PAPPA2: variants seen among roughly 807,000 people sequenced by gnomAD.
The protein encoded by PAPPA2 is pappalysin 2.
PAPPA2 carries 86 observed loss-of-function variants against 176.4 expected under a neutral mutation model. The observed-to-expected ratio is 0.49, with a 90% confidence interval of 0.41 to 0.58. PAPPA2 has a LOEUF of 0.58. Ranked by LOEUF, PAPPA2 falls within the 20% of genes least tolerant of loss-of-function variation. The pLI, the probability that PAPPA2 is intolerant of heterozygous loss-of-function variation, is 0.00. For missense variants in PAPPA2, 2,073 were observed against 2,256.9 expected, an observed-to-expected ratio of 0.92 and a Z score of 1.65; for synonymous variants, 809 against 852.2, an observed-to-expected ratio of 0.95 and a Z score of 0.88.
rs559742981 is a variant in PAPPA2, at chr1:176,690,952, A to G, written c.2431+522A>G. On this transcript the variant is annotated intron_variant, in intron 5 of 22. Transcript: ENST00000367662. ...AAAAATCAGATTCTCTTTTTCCAGC[A>G]CTAGTCAAGCACAAATTCTTAGCTG... 1.1e-5 allele frequency: 11 copies of G among 983,370 alleles called. No homozygotes were observed. The South Asian group carries it at 3.3e-4, about 30-fold the overall frequency. 60.9% of individuals were successfully genotyped at this position (983,370 alleles called of 1,614,324 possible). A position where few individuals can be genotyped will look rare whatever the true frequency, so the allele number is the denominator to read the frequency against.
Position 176,595,178 on chromosome 1 carries a change from T to TA in PAPPA2, c.1575dup (p.Arg526ThrfsTer9). 1 of 1,614,188 alleles carries TA rather than the reference T, an allele frequency of 6.2e-7. No homozygotes were observed. The highest frequency in any genetic ancestry group is 8.5e-7 in the Non-Finnish European group (1 of 1,180,038). ...TGGCCCCTTCGGGGAGAGAAGGTGA[T>TA]ACGCTACCAGGTGGTGAACATCTGT... On this transcript the variant is annotated frameshift_variant, in exon 3 of 23. Transcript: ENST00000367662. LOFTEE classifies it high-confidence loss of function.
chr1:176,737,281 C>T (rs141449318), intron 12 of PAPPA2, among the ~76,000 whole-genome samples: 423 of 152,112 alleles, frequency 2.8e-3, no homozygotes, highest in Non-Finnish European at 3.8e-3. Flanking sequence ...ATCCAAGAAT[C>T]GAACTCAGGG....
chr1:176,825,750 C>A (rs911242640), intron 21 of PAPPA2, among the ~76,000 whole-genome samples: 2 of 152,010 alleles, frequency 1.3e-5, no homozygotes, highest in African/African-American at 4.8e-5. Flanking sequence ...GTATTATATC[C>A]CCATAGTTGA....
At chr1:176,488,303 G>A (rs540093848) in intron 1 of PAPPA2, among the ~76,000 whole-genome samples, 2 of 151,912 alleles carry the variant, frequency 1.3e-5, no homozygotes, top group East Asian at 3.9e-4. Flanking sequence ...AAAATAATGA[G>A]GATTTGAGAT....
rs143760345 is a variant in PAPPA2, at chr1:176,816,947, G to A, written c.5202+16815G>A. Among the ~76,000 whole-genome samples, 264 of 152,250 alleles carry A rather than the reference G, an allele frequency of 1.7e-3. 1 individual carries two copies. The Middle Eastern group carries it at 0.024, about 14-fold the overall frequency. ...CCTGAAAGTATAAATTTTAGATAGA[G>A]GAGCACTTATTAAAGGACTGTATAT... On this transcript the variant is annotated intron_variant, in intron 21 of 22. Coordinates refer to ENST00000367662, the MANE Select transcript of PAPPA2 (RefSeq NM_020318.3).
intron 3 of PAPPA2, among the ~76,000 whole-genome samples, chr1:176,603,405 C>T (rs989200376): frequency 7.9e-5 from 12 of 152,172 alleles, no homozygotes; most frequent in African/African-American, 2.7e-4. Flanking sequence ...CCCTCTTTCC[C>T]TTGATGTCAG....
At chr1:176,626,506 A>G (rs1322920242) in intron 3 of PAPPA2, among the ~76,000 whole-genome samples, 2 of 152,222 alleles carry the variant, frequency 1.3e-5, no homozygotes, top group African/African-American at 2.4e-5. Context: ...GTGTACAGCC[A>G]TGCTCCTCTC....
chr1:176,816,439 C>T lies in PAPPA2; in HGVS notation c.5202+16307C>T, dbSNP rs144272458. 4.0e-3 allele frequency among the ~76,000 whole-genome samples: 605 copies of T among 150,812 alleles called. 11 individuals are homozygous for T. Among genetic ancestry groups the T allele is most frequent in the African/African-American group, 0.014 (574 of 41,088 alleles). On this transcript the variant is annotated intron_variant, in intron 21 of 22. Coordinates refer to ENST00000367662, the MANE Select transcript of PAPPA2 (RefSeq NM_020318.3). ...CCTGCACTTTTGCCTTTAGAGGTACCAGATGCCTCTAATTCCTGAGCTTTC... is the reference window on the plus strand; with the variant it reads ...CCTGCACTTTTGCCTTTAGAGGTACTAGATGCCTCTAATTCCTGAGCTTTC...
At chr1:176,610,294 C>A (rs543523277) in intron 3 of PAPPA2, among the ~76,000 whole-genome samples, 21 of 149,574 alleles carry the variant, frequency 1.4e-4, no homozygotes, top group Admixed American at 1.3e-3. Context: ...GTGGTCAGTA[C>A]GAGTAGGTAC....
At chr1:176,793,884 A>G (rs892923770) in intron 20 of PAPPA2, among the ~76,000 whole-genome samples, 6 of 152,188 alleles carry the variant, frequency 3.9e-5, no homozygotes. Flanking sequence ...TCACAAGGTC[A>G]GGAAATTGAG....
chr1:176,779,958 A>C (rs1421581536), intron 17 of PAPPA2, among the ~76,000 whole-genome samples: 1 of 152,248 alleles, frequency 6.6e-6, no homozygotes, highest in Non-Finnish European at 1.5e-5. Context: ...TCCAGCCCAC[A>C]TCAAGGGATG....
intron 3 of PAPPA2, among the ~76,000 whole-genome samples, chr1:176,611,773 T>A (rs1157211464): frequency 2.0e-5 from 3 of 152,170 alleles, no homozygotes; most frequent in Non-Finnish European, 4.4e-5. Context: ...GTGGCCAATA[T>A]TATAATAAAA....
intron 1 of PAPPA2, among the ~76,000 whole-genome samples, chr1:176,543,658 C>A (rs1650479283): frequency 6.6e-6 from 1 of 152,126 alleles, no homozygotes; most frequent in African/African-American, 2.4e-5. Flanking sequence ...AATGCCACAC[C>A]TGGGGATGGT....
At chr1:176,706,534 T>A in intron 10 of PAPPA2, 84 bp downstream of exon 10, 2 of 1,147,828 alleles carry the variant, frequency 1.7e-6, no homozygotes, top group Non-Finnish European at 1.3e-6. Context: ...CTGTAACATC[T>A]AGCTTAGTGA....
intron 3 of PAPPA2, among the ~76,000 whole-genome samples, chr1:176,644,117 A>G (rs999715874): frequency 3.3e-5 from 5 of 151,876 alleles, no homozygotes; most frequent in Admixed American, 1.3e-4. Context: ...AGCAAAAATT[A>G]TCCTCTCAAA....
At position 176,674,346 on chromosome 1, in the gene PAPPA2, T is replaced by A. The variant is rs566895950; in HGVS notation, c.2137+3231T>A. Among the ~76,000 whole-genome samples, 4 of 152,256 alleles carry A rather than the reference T, an allele frequency of 2.6e-5. 1 individual carries two copies. The highest frequency in any genetic ancestry group is 1.3e-4 in the Admixed American group (2 of 15,290). Reference sequence around the variant, plus strand: ...TTTTTTAGTGATGACTTCTGAGATTTTGGTGTACCCATCACCCAAGCAGTG... The same window carrying A: ...TTTTTTAGTGATGACTTCTGAGATTATGGTGTACCCATCACCCAAGCAGTG... On this transcript the variant is annotated intron_variant, in intron 4 of 22. Transcript: ENST00000367662.
intron 12 of PAPPA2, among the ~76,000 whole-genome samples, chr1:176,733,121 C>T (rs1290165499): frequency 6.6e-6 from 1 of 152,182 alleles, no homozygotes; most frequent in Non-Finnish European, 1.5e-5. Flanking sequence ...TCCATTCCCT[C>T]CACCCCCATC....
At chr1:176,634,619 AC>A (rs750304917) in intron 3 of PAPPA2, among the ~76,000 whole-genome samples, 2 of 151,460 alleles carry the variant, frequency 1.3e-5, no homozygotes, top group Non-Finnish European at 2.9e-5. Flanking sequence ...ATAAAAAAAA[AC>A]ACTTGAACCC....
In PAPPA2 at chr1:176,622,464, AAGGAGGTCAAG is replaced by A. The variant is rs1655649623; in HGVS notation, c.1991+26872_1991+26882del. On this transcript the variant is annotated intron_variant, in intron 3 of 22. Coordinates refer to ENST00000367662, the MANE Select transcript of PAPPA2 (RefSeq NM_020318.3). Reference sequence around the variant, plus strand: ...GGTATAAATATAAAAACTGTGATCTAAGGAGGTCAAGAGTGATCTCTAAAGATCTAATGGGT... The same window carrying A: ...GGTATAAATATAAAAACTGTGATCTAAGTGATCTCTAAAGATCTAATGGGT... Among the ~76,000 whole-genome samples the A allele has an allele frequency of 4.6e-5, 7 of 152,322 alleles. No individual in the cohort carries two copies. In the South Asian group the frequency reaches 1.4e-3, roughly 32 times the overall value.
Sources: allele counts gnomAD v4.1 joint callset (sites outside exome capture counted in the v4.1 genomes callset), GRCh38; gene constraint gnomAD v4.1.1; transcripts MANE v1.5; gene names NCBI Gene and HGNC (gene_info 2026-07-23, HGNC 2026-07-21).